The following CUEDC1 variants were observed in gnomAD, a reference collection of about 807,000 sequenced individuals.
The protein encoded by CUEDC1 is CUE domain-containing protein 1.
CUEDC1 carries 30 observed loss-of-function variants against 43.7 expected under a neutral mutation model. The observed-to-expected ratio is 0.69, with a 90% CI of 0.51 to 0.93. The LOEUF (loss-of-function observed/expected upper bound fraction) is 0.93. CUEDC1 is among the 40% of genes least tolerant of loss of function. The pLI is 0.00. For synonymous variants in CUEDC1, 223 were observed against 223.6 expected (o/e 1.00, Z 0.02); for missense variants, 486 against 549.0 (o/e 0.89, Z 1.15).
At chr17:57,914,807 G>T (rs2074621112) in intron 1 of CUEDC1, among the ~76,000 whole-genome samples, 1 of 152,212 alleles carries the variant, frequency 6.6e-6, no homozygotes, top group South Asian at 2.1e-4. Context: ...CACTAATCCT[G>T]GGTGCATTAC....
intron 1 of CUEDC1, among the ~76,000 whole-genome samples, chr17:57,912,739 C>T (rs9896664): frequency 0.14 from 20,973 of 152,182 alleles, 1,599 homozygotes; most frequent in African/African-American, 0.17. Context: ...CAGGGAAGCT[C>T]CATCAATGCC....
intron 1 of CUEDC1, among the ~76,000 whole-genome samples, chr17:57,931,904 G>A (rs181461802): frequency 6.6e-6 from 1 of 150,516 alleles, no homozygotes; most frequent in Admixed American, 6.6e-5. Flanking sequence ...GCCATGTGCT[G>A]CTTCCCTACA....
intron 1 of CUEDC1, among the ~76,000 whole-genome samples, chr17:57,895,770 C>CT (rs1251317598): frequency 1.3e-5 from 2 of 152,166 alleles, no homozygotes; most frequent in Admixed American, 6.5e-5. Context: ...CGCGTTCATG[C>CT]TACCAAGTCA....
chr17:57,882,621 G>T (rs1370811471), intron 2 of CUEDC1, among the ~76,000 whole-genome samples: 1 of 152,196 alleles, frequency 6.6e-6, no homozygotes, highest in Admixed American at 6.5e-5. Context: ...CCACTTATAG[G>T]TAGATTTTCT....
intron 1 of CUEDC1, among the ~76,000 whole-genome samples, chr17:57,947,833 A>C (rs2074972871): frequency 6.6e-6 from 1 of 152,022 alleles, no homozygotes; most frequent in Non-Finnish European, 1.5e-5. Context: ...AAATAAAAAC[A>C]CTTTTGTGCT....
At chr17:57,867,217 T>G in intron 9 of CUEDC1, 140 bp downstream of exon 9, 1 of 771,596 alleles carries the variant, frequency 1.3e-6, no homozygotes, top group Non-Finnish European at 2.2e-6. Context: ...GGGATCCATA[T>G]CTTTGGGTCA....
chr17:57,893,952 G>C (rs1234308410), intron 1 of CUEDC1, among the ~76,000 whole-genome samples: 2 of 152,114 alleles, frequency 1.3e-5, no homozygotes, highest in African/African-American at 4.8e-5. Context: ...AAATTAGCCA[G>C]GCATGGTGGT....
chr17:57,935,378 GACACACAC>G (rs146002407), intron 1 of CUEDC1, among the ~76,000 whole-genome samples: 30 of 142,178 alleles, frequency 2.1e-4, no homozygotes, highest in African/African-American at 7.8e-4. Flanking sequence ...CCTTCCATTA[GACACACAC>G]ACACACACAC....
chr17:57,872,418 G>A (rs760041676), intron 5 of CUEDC1, among the ~76,000 whole-genome samples: 1 of 152,148 alleles, frequency 6.6e-6, no homozygotes, highest in Non-Finnish European at 1.5e-5. Flanking sequence ...AGGGAAGAAG[G>A]CCTAAGAGTG....
intron 5 of CUEDC1, 109 bp from the exon 6 acceptor site, chr17:57,871,478 CAT>C: frequency 6.0e-6 from 5 of 829,798 alleles, no homozygotes; most frequent in Non-Finnish European, 8.1e-6. Flanking sequence ...CAGAATCACA[CAT>C]GAGCACACAC....
chr17:57,879,819 G>C, intron 2 of CUEDC1, 81 bp from the exon 3 acceptor site: 19 of 1,406,592 alleles, frequency 1.4e-5, no homozygotes, highest in Non-Finnish European at 1.9e-5. Flanking sequence ...TCAAGTGTGG[G>C]AGGGCAGGTA....
chr17:57,872,752 T>C lies in CUEDC1; in HGVS notation c.695A>G (p.Glu232Gly). ...DQESRWKQYL[E>G]DERIALFLQN... is the part of the protein sequence containing the mutation. ...CAGGAAAAGCGCGATCCTCTCGTCCTCCAGGTACTGCTTCCAGCGGCTCTC... is the reference window on the plus strand; with the variant it reads ...CAGGAAAAGCGCGATCCTCTCGTCCCCCAGGTACTGCTTCCAGCGGCTCTC... The change falls in exon 5 of 11, where the codon GAG (glutamate) becomes GGG (glycine). Residue 232 changes from glutamate (E) to glycine (G), a missense_variant. Coordinates refer to ENST00000577830, the MANE Select transcript of CUEDC1 (RefSeq NM_001271875.2). 1.2e-6 allele frequency: 2 copies of C among 1,614,224 alleles called. No homozygotes were observed. The highest frequency in any genetic ancestry group is 1.7e-6 in the Non-Finnish European group (2 of 1,180,042).
chr17:57,931,311 A>T (rs2074801893), intron 1 of CUEDC1, among the ~76,000 whole-genome samples: 1 of 152,008 alleles, frequency 6.6e-6, no homozygotes, highest in Non-Finnish European at 1.5e-5. Context: ...AGAAACAAAC[A>T]AAAAAAGAGG....
intron 1 of CUEDC1, among the ~76,000 whole-genome samples, chr17:57,898,410 T>C (rs2074436442): frequency 6.6e-6 from 1 of 152,120 alleles, no homozygotes; most frequent in Non-Finnish European, 1.5e-5. Flanking sequence ...GAGCGAGTGG[T>C]CAGGAGTGGG....
intron 3 of CUEDC1, among the ~76,000 whole-genome samples, chr17:57,875,342 C>T (rs1905412542): frequency 6.6e-6 from 1 of 152,174 alleles, no homozygotes; most frequent in Non-Finnish European, 1.5e-5. Flanking sequence ...ACCCCTCTAG[C>T]CATGAAGACT....
intron 1 of CUEDC1, among the ~76,000 whole-genome samples, chr17:57,896,195 C>T (rs913832801): frequency 1.1e-4 from 16 of 152,278 alleles, no homozygotes; most frequent in Admixed American, 6.5e-4. Context: ...TCAGGAATTC[C>T]ACTTCTATGA....
At chr17:57,902,778 A>G (rs556354411) in intron 1 of CUEDC1, among the ~76,000 whole-genome samples, 1 of 152,332 alleles carries the variant, frequency 6.6e-6, no homozygotes, top group South Asian at 2.1e-4. Flanking sequence ...CAGGTTGGGC[A>G]CAAACCCTAT....
intron 3 of CUEDC1, among the ~76,000 whole-genome samples, chr17:57,877,817 G>A (rs1418992132): frequency 6.0e-5 from 9 of 150,870 alleles, no homozygotes; most frequent in African/African-American, 2.2e-4. Flanking sequence ...CCTGGGAGGC[G>A]GAGGTTGCAG....
chr17:57,869,551 C>T (rs374701310), intron 6 of CUEDC1, among the ~76,000 whole-genome samples: 3 of 152,290 alleles, frequency 2.0e-5, no homozygotes, highest in East Asian at 1.9e-4. Flanking sequence ...ATCAGGCTCC[C>T]GCTGCACCCA....
Sources: gnomAD v4.1 joint callset for allele counts (sites outside exome capture counted in the v4.1 genomes callset) on GRCh38, gnomAD v4.1.1 for gene constraint, MANE v1.5 for transcripts, NCBI Gene and HGNC (gene_info 2026-07-23, HGNC 2026-07-21) for gene names.